The following RYR2 variants were observed in gnomAD, a reference collection of about 807,000 sequenced individuals.
The protein encoded by RYR2 is ryanodine receptor 2, also known as cardiac muscle ryanodine receptor-calcium release channel.
RYR2 carries 227 observed loss-of-function variants against 601.1 expected under a neutral mutation model. The observed-to-expected ratio is 0.38, with a 90% CI of 0.34 to 0.42. RYR2 has a LOEUF of 0.42. Ranked by LOEUF, RYR2 falls within the 10% of genes least tolerant of loss-of-function variation. RYR2 has a pLI of 1.00. For synonymous variants in RYR2, 2,223 were observed against 2,175.1 expected, an observed-to-expected ratio of 1.02 and a Z score of -0.61; for missense variants, 4,646 against 6,156.5, an observed-to-expected ratio of 0.75 and a Z score of 8.21.
At chr1:237,530,923 T>A (rs553635904) in intron 25 of RYR2, among the ~76,000 whole-genome samples, 9 of 144,738 alleles carry the variant, frequency 6.2e-5, no homozygotes, top group African/African-American at 2.3e-4. Context: ...AAAAAAAAAA[T>A]TCAGATTCAA....
chr1:237,526,639 G>T (rs940360824), intron 24 of RYR2, among the ~76,000 whole-genome samples: 3 of 152,148 alleles, frequency 2.0e-5, no homozygotes, highest in Non-Finnish European at 2.9e-5. Context: ...GAACCACCAT[G>T]CCTGACCCTT....
rs993608108 is a variant in RYR2 at position 237,355,908 on chromosome 1, G to A, written c.274-57G>A. The A allele has an allele frequency of 3.4e-6, 5 of 1,479,862 alleles. No individual in the cohort carries two copies. In the African/African-American group the frequency reaches 6.9e-5, roughly 20 times the overall value. 91.7% of individuals were successfully genotyped at this position (1,479,862 alleles called of 1,614,324 possible). Reference sequence around the variant, plus strand: ...TCAATTCATTTAAATGACAGTAATTGAAACATTGCTAGGTATTTGTTTGTT... The same window carrying A: ...TCAATTCATTTAAATGACAGTAATTAAAACATTGCTAGGTATTTGTTTGTT... On this transcript the variant is annotated intron_variant, in intron 3 of 104. Transcript: ENST00000366574.
intron 25 of RYR2, among the ~76,000 whole-genome samples, chr1:237,536,119 G>A (rs1034667714): frequency 6.6e-6 from 1 of 152,074 alleles, no homozygotes; most frequent in African/African-American, 2.4e-5. Context: ...ATCAATAGCA[G>A]GTAATATTGC....
At chr1:237,573,695 C>A (rs1258938027) in intron 29 of RYR2, among the ~76,000 whole-genome samples, 4 of 151,552 alleles carry the variant, frequency 2.6e-5, no homozygotes, top group Non-Finnish European at 5.9e-5. Flanking sequence ...ACTTGTAGTT[C>A]CAGCTACTCG....
chr1:237,272,953 T>G (rs1689851956), intron 2 of RYR2, among the ~76,000 whole-genome samples: 1 of 152,134 alleles, frequency 6.6e-6, no homozygotes, highest in Non-Finnish European at 1.5e-5. Context: ...GATGGAAAAG[T>G]GAAAACCTTT....
At chr1:237,524,984 T>C (rs528128062) in intron 24 of RYR2, among the ~76,000 whole-genome samples, 1 of 152,130 alleles carries the variant, frequency 6.6e-6, no homozygotes, top group African/African-American at 2.4e-5. Flanking sequence ...TATATTGCTA[T>C]GTACAGAGAT....
chr1:237,479,146 T>C (rs1661746247), intron 17 of RYR2, among the ~76,000 whole-genome samples: 1 of 152,216 alleles, frequency 6.6e-6, no homozygotes, highest in Non-Finnish European at 1.5e-5. Context: ...TTTGGTCTTC[T>C]GGTAGTACTT....
At chr1:237,623,933 C>T (rs912146622) in intron 39 of RYR2, 63 bp downstream of exon 39, 63 of 1,063,330 alleles carry the variant, frequency 5.9e-5, no homozygotes, top group East Asian at 9.5e-5. Flanking sequence ...TATCCTGAGA[C>T]GAAATTAAGT....
chr1:237,253,782 C>T (rs924638855), intron 1 of RYR2, among the ~76,000 whole-genome samples: 2 of 152,118 alleles, frequency 1.3e-5, no homozygotes, highest in African/African-American at 4.8e-5. Context: ...CTACCAATTG[C>T]AAGAAAAGTG....
At chr1:237,260,384 T>C (rs1349375870) in intron 1 of RYR2, among the ~76,000 whole-genome samples, 2 of 152,194 alleles carry the variant, frequency 1.3e-5, no homozygotes, top group Admixed American at 6.5e-5. Context: ...CTCAGAGATA[T>C]TTCAGCACGT....
At chr1:237,222,232 G>T (rs1161908465) in intron 1 of RYR2, among the ~76,000 whole-genome samples, 2 of 152,066 alleles carry the variant, frequency 1.3e-5, no homozygotes, top group East Asian at 3.9e-4. Context: ...GGCTAACACG[G>T]TGAAACCCCA....
chr1:237,614,146 C>A lies in RYR2; in HGVS notation c.5018C>A (p.Ala1673Asp). Residue 1673 changes from alanine to aspartate, a missense_variant, in exon 37 of 105, where the codon GCC becomes GAC. This residue lies in a region of RYR2 where 1,807 missense variants were observed against 2,088.1 expected (regional missense o/e 0.87). Transcript: ENST00000366574. This position sits in a 1 kb window ranked among gnomAD's most constrained non-coding sequence, Gnocchi z 4.3. ...AVCALGNHRV[A>D]HALCSHVDEP... ...TGTGCTCTTGGGAACCACCGGGTGG[C>A]CCATGCCCTGTGCAGCCATGTGGAT... is the stretch of plus-strand genomic sequence containing the variant. 6.2e-7 allele frequency: 1 copy of A among 1,614,038 alleles called. No individual in the cohort carries two copies. Among genetic ancestry groups the A allele is most frequent in the Non-Finnish European group, 8.5e-7 (1 of 1,179,892 alleles).
At chr1:237,264,116 C>G (rs919868969) in intron 1 of RYR2, among the ~76,000 whole-genome samples, 5 of 151,748 alleles carry the variant, frequency 3.3e-5, no homozygotes, top group South Asian at 4.2e-4. Context: ...CACACACACA[C>G]AGGTGCATAC....
chr1:237,707,750 A>G (rs1271852583), intron 68 of RYR2, among the ~76,000 whole-genome samples: 1 of 152,014 alleles, frequency 6.6e-6, no homozygotes, highest in Non-Finnish European at 1.5e-5. Context: ...TACATGCCAG[A>G]ATATTATGTC....
chr1:237,401,455 T>C (rs1465265804), intron 10 of RYR2, among the ~76,000 whole-genome samples: 1 of 152,140 alleles, frequency 6.6e-6, no homozygotes, highest in African/African-American at 2.4e-5. Flanking sequence ...CTAGAATGAC[T>C]CACAGAACAC....
rs6672923 is a variant in RYR2 at position 237,087,708 on chromosome 1, G to A, written c.48+45139G>A. Among the ~76,000 whole-genome samples the A allele has an allele frequency of 3.7e-3, 568 of 152,170 alleles. 2 individuals carry two copies. Among genetic ancestry groups the A allele is most frequent in the African/African-American group, 0.013 (544 of 41,508 alleles). ...CGAATTTGAGATGTTGGCAGAATTG[G>A]TGCCCCTCTTGGTGTCTGGGTGGCC... On this transcript the variant is annotated intron_variant, in intron 1 of 104. Coordinates refer to ENST00000366574, the MANE Select transcript of RYR2 (RefSeq NM_001035.3).
At chr1:237,427,782 CAAAAAAAAAAAA>C (rs57614793) in intron 12 of RYR2, among the ~76,000 whole-genome samples, 6 of 56,192 alleles carry the variant, frequency 1.1e-4, no homozygotes, top group Admixed American at 5.9e-4. Context: ...GACTCTGCCT[CAAAAAAAAAAAA>C]AAAAAAAAAA....
intron 16 of RYR2, among the ~76,000 whole-genome samples, chr1:237,459,277 CCT>C (rs1325231151): frequency 6.6e-6 from 1 of 152,074 alleles, no homozygotes; most frequent in Non-Finnish European, 1.5e-5. Context: ...AGAGGAAAAC[CCT>C]GTCTCTAAAT....
chr1:237,524,242 T>G (rs962461845), intron 24 of RYR2, among the ~76,000 whole-genome samples: 60 of 152,174 alleles, frequency 3.9e-4, no homozygotes, highest in Non-Finnish European at 1.3e-4. Flanking sequence ...AACAAACTAC[T>G]GCCACAGACT....
Sources: allele counts gnomAD v4.1 joint callset (sites outside exome capture counted in the v4.1 genomes callset), GRCh38; gene constraint gnomAD v4.1.1; regional missense constraint gnomAD v4.1.1; non-coding constraint Gnocchi (gnomAD v3.1); transcripts MANE v1.5; gene names NCBI Gene and HGNC (gene_info 2026-07-23, HGNC 2026-07-21).